The following DYNC1LI1 variants were observed in gnomAD, a reference collection of about 807,000 sequenced individuals.
The protein encoded by DYNC1LI1 is cytoplasmic dynein 1 light intermediate chain 1.
Under a neutral mutation model 63.8 loss-of-function variants are expected in DYNC1LI1, and 19 were observed. The observed-to-expected ratio is 0.30, with a 90% CI of 0.21 to 0.44. DYNC1LI1 has a LOEUF of 0.44. DYNC1LI1 is among the 20% of genes least tolerant of loss of function. DYNC1LI1 has a pLI of 1.00. For missense variants in DYNC1LI1, 565 were observed against 630.2 expected, an observed-to-expected ratio of 0.90 and a Z score of 1.11; for synonymous variants, 225 against 232.3, an observed-to-expected ratio of 0.97 and a Z score of 0.28.
chr3:32,567,132 G>C (rs1394125686), intron 2 of DYNC1LI1, among the ~76,000 whole-genome samples: 1 of 152,186 alleles, frequency 6.6e-6, no homozygotes, highest in African/African-American at 2.4e-5. Flanking sequence ...TTTGTACCTG[G>C]CACTCTCTCC....
chr3:32,534,168 G>A (rs536611408), intron 7 of DYNC1LI1, among the ~76,000 whole-genome samples: 1 of 152,212 alleles, frequency 6.6e-6, no homozygotes, highest in East Asian at 1.9e-4. Context: ...GAGCCACCGT[G>A]CTCAGCCAGG....
At position 32,568,866 on chromosome 3, in the gene DYNC1LI1, G is replaced by T. The variant is rs145833368; in HGVS notation, c.220+1480C>A. 3.5e-3 allele frequency among the ~76,000 whole-genome samples: 529 copies of T among 152,246 alleles called. 1 individual carries two copies. Among genetic ancestry groups the T allele is most frequent in the African/African-American group, 0.012 (488 of 41,548 alleles). On this transcript the variant is annotated intron_variant, in intron 2 of 12. Coordinates refer to ENST00000273130, the MANE Select transcript of DYNC1LI1 (RefSeq NM_016141.4). ...CTTAAATCCATTTTACCTTAGAAAT[G>T]AGTAGTAATTTGTTTAAATTAGTAA... is the stretch of plus-strand genomic sequence containing the variant.
intron 2 of DYNC1LI1, among the ~76,000 whole-genome samples, chr3:32,551,522 G>T (rs1698038974): frequency 6.6e-6 from 1 of 152,200 alleles, no homozygotes; most frequent in African/African-American, 2.4e-5. Context: ...CACTGGCACA[G>T]TTTAGGTACT....
Position 32,541,117 on chromosome 3 carries a change from C to A in DYNC1LI1, c.658G>T (p.Asp220Tyr). ...RRNTASQEDK[D>Y]DSVVLPLGAD... is the part of the protein sequence containing the mutation. ...CCCAGAGGTAAAACTACACTGTCAT[C>A]TTTGTCTTCTTGTGACGCAGTATTT... The change falls in exon 5 of 13, where the codon GAT (aspartate) becomes TAT (tyrosine). Residue 220 changes from aspartate to tyrosine, a missense_variant. Transcript: ENST00000273130. 6.2e-7 allele frequency: 1 copy of A among 1,613,708 alleles called. No homozygotes were observed. The highest frequency in any genetic ancestry group is 1.1e-5 in the South Asian group (1 of 91,032).
intron 2 of DYNC1LI1, among the ~76,000 whole-genome samples, chr3:32,547,937 T>C (rs1002763803): frequency 2.0e-5 from 3 of 152,120 alleles, no homozygotes; most frequent in Admixed American, 1.3e-4. Flanking sequence ...ATGTACATAA[T>C]AGTATTGCAT....
Position 32,541,072 on chromosome 3 carries a change from T to C in DYNC1LI1, c.703A>G (p.Asn235Asp). ...ACTACTAGTACTGGAATGCCCAAGTTATGTGTAAGTGTATCCGCACCCAGA... is the reference window on the plus strand; with the variant it reads ...ACTACTAGTACTGGAATGCCCAAGTCATGTGTAAGTGTATCCGCACCCAGA... ...LPLGADTLTH[N>D]LGIPVLVVCT... Residue 235 changes from asparagine to aspartate, a missense_variant, in exon 5 of 13, where the codon AAC (asparagine) becomes GAC (aspartate). By Grantham distance (23) the Asn-to-Asp change is conservative (BLOSUM62 1). Coordinates refer to ENST00000273130, the MANE Select transcript of DYNC1LI1 (RefSeq NM_016141.4). 6.2e-7 allele frequency: 1 copy of C among 1,612,302 alleles called. No individual in the cohort carries two copies. The highest frequency in any genetic ancestry group is 8.5e-7 in the Non-Finnish European group (1 of 1,179,164).
chr3:32,547,480 CAT>C (rs1038183535), intron 2 of DYNC1LI1, among the ~76,000 whole-genome samples: 8 of 138,902 alleles, frequency 5.8e-5, no homozygotes, highest in Non-Finnish European at 5.1e-5. Flanking sequence ...CTAAAAAAAA[CAT>C]ATATGTCTTA....
At chr3:32,570,292 G>A (rs1698327948) in intron 2 of DYNC1LI1, 54 bp downstream of exon 2, 8 of 1,437,050 alleles carry the variant, frequency 5.6e-6, no homozygotes, top group Admixed American at 1.9e-5. Context: ...CGCGGACCAG[G>A]TACCCCGGGC....
chr3:32,568,884 A>T (rs1698304810), intron 2 of DYNC1LI1, among the ~76,000 whole-genome samples: 2 of 152,226 alleles, frequency 1.3e-5, no homozygotes, highest in African/African-American at 4.8e-5. Flanking sequence ...ATTTGTTTAA[A>T]TTAGTAAACT....
intron 2 of DYNC1LI1, among the ~76,000 whole-genome samples, chr3:32,549,673 G>A (rs1006990254): frequency 2.6e-5 from 4 of 151,974 alleles, no homozygotes; most frequent in Non-Finnish European, 5.9e-5. Flanking sequence ...CATATAATAT[G>A]ACCCAGGATT....
At chr3:32,548,090 A>T (rs111970644) in intron 2 of DYNC1LI1, among the ~76,000 whole-genome samples, 1 of 152,180 alleles carries the variant, frequency 6.6e-6, no homozygotes, top group Admixed American at 6.5e-5. Context: ...ATCATATGCA[A>T]CAATATGAAT....
At chr3:32,553,791 C>G (rs1309920111) in intron 2 of DYNC1LI1, among the ~76,000 whole-genome samples, 2 of 152,340 alleles carry the variant, frequency 1.3e-5, no homozygotes, top group East Asian at 1.9e-4. Context: ...CAGTTAAGTA[C>G]CTTATCCAAG....
chr3:32,566,703 A>G (rs933625080), intron 2 of DYNC1LI1: 1 of 436,120 alleles, frequency 2.3e-6, no homozygotes, highest in Non-Finnish European at 4.6e-6. Flanking sequence ...TTGCCATTAC[A>G]CTCTAGCCGG....
At chr3:32,540,509 G>T (rs1312380296) in intron 5 of DYNC1LI1, among the ~76,000 whole-genome samples, 1 of 151,682 alleles carries the variant, frequency 6.6e-6, no homozygotes, top group African/African-American at 2.4e-5. Flanking sequence ...GTGAAAGCCC[G>T]TCTCTACTAA....
intron 11 of DYNC1LI1, among the ~76,000 whole-genome samples, 190 bp from the exon 12 acceptor site, chr3:32,528,791 AATT>A (rs1399327063): frequency 1.3e-5 from 2 of 152,198 alleles, no homozygotes; most frequent in African/African-American, 4.8e-5. Context: ...AGTGTAAAAT[AATT>A]ATTTAAAAAT....
chr3:32,550,927 G>C (rs1698029082), intron 2 of DYNC1LI1, among the ~76,000 whole-genome samples: 1 of 151,632 alleles, frequency 6.6e-6, no homozygotes, highest in South Asian at 2.1e-4. Context: ...AGGAGTTCAA[G>C]AGCCTGGGTG....
intron 5 of DYNC1LI1, among the ~76,000 whole-genome samples, chr3:32,537,938 A>AATT (rs1491496620): frequency 1.3e-3 from 13 of 10,282 alleles, no homozygotes; most frequent in African/African-American, 2.6e-3. Context: ...TATATATATA[A>AATT]TATATATATA....
chr3:32,541,052 T>C lies in DYNC1LI1; in HGVS notation c.723A>G (p.Leu241=). The change falls in exon 5 of 13, where the codon CTA becomes CTG. Residue 241 remains leucine (L), a synonymous_variant. Coordinates refer to ENST00000273130, the MANE Select transcript of DYNC1LI1 (RefSeq NM_016141.4). ...GCAAACTAACCTTTGTGCAAACTAC[T>C]AGTACTGGAATGCCCAAGTTATGTG... ...TLTHNLGIPV[L]VVCTKCDAIS... is the part of the protein sequence containing the mutation. 6.2e-7 allele frequency: 1 copy of C among 1,608,012 alleles called. No homozygotes were observed.
chr3:32,552,194 C>T (rs76779034), intron 2 of DYNC1LI1, among the ~76,000 whole-genome samples: 2,099 of 152,126 alleles, frequency 0.014, 25 homozygotes, highest in African/African-American at 0.027. Context: ...CTCCTTTTTG[C>T]CTTCCCTTAA....
Sources: allele counts gnomAD v4.1 joint callset (sites outside exome capture counted in the v4.1 genomes callset), GRCh38; gene constraint gnomAD v4.1.1; transcripts MANE v1.5; gene names NCBI Gene and HGNC (gene_info 2026-07-23, HGNC 2026-07-21).